Variants in SLC26A9 observed in about 807,000 individuals in gnomAD.
The protein encoded by SLC26A9 is solute carrier family 26 member 9.
In SLC26A9, 46 loss-of-function variants were observed where a neutral mutation model predicts 87.1. The ratio of observed to expected loss-of-function variants is 0.53; its 90% CI spans 0.42 to 0.67. SLC26A9 has a LOEUF of 0.67. Among genes scored for constraint, SLC26A9 ranks in the 30% least tolerant of loss-of-function variants. The pLI is 0.00. For synonymous variants in SLC26A9, 437 were observed against 409.1 expected, an observed-to-expected ratio of 1.07 and a Z score of -0.82; for missense variants, 927 against 1,018.3, an observed-to-expected ratio of 0.91 and a Z score of 1.22.
At chr1:205,940,325 G>A (rs1016042275) in intron 1 of SLC26A9, among the ~76,000 whole-genome samples, 5 of 152,170 alleles carry the variant, frequency 3.3e-5, no homozygotes, top group Non-Finnish European at 7.3e-5. Flanking sequence ...ATGAGCTCAT[G>A]CCAAAGCACG....
chr1:205,932,908 A>G (rs373867286), intron 3 of SLC26A9, 37 bp downstream of exon 3: 4 of 1,612,070 alleles, frequency 2.5e-6, no homozygotes, highest in Non-Finnish European at 3.4e-6. Flanking sequence ...TGGTGAGGGG[A>G]GTGGCAATCC....
At chr1:205,935,511 A>G in intron 2 of SLC26A9, 185 bp downstream of exon 2, 1 of 863,754 alleles carries the variant, frequency 1.2e-6, no homozygotes, top group Non-Finnish European at 1.7e-6. Context: ...CCTGCTCCCC[A>G]TCCTCCCTGG....
rs180841638 is a variant in SLC26A9 at position 205,923,689 on chromosome 1, C to T, written c.1497-76G>A. On this transcript the variant is annotated intron_variant, in intron 13 of 20. Coordinates refer to ENST00000367135, the MANE Select transcript of SLC26A9 (RefSeq NM_052934.4). ...GCCTGGAAGGGTGCCCCTGCTGGGG[C>T]GGGGGCAGAGCCAAGGTAGGATGGG... 8.0e-5 allele frequency: 126 copies of T among 1,567,944 alleles called. No homozygotes were observed. The African/African-American group carries it at 1.2e-3, about 15-fold the overall frequency.
intron 2 of SLC26A9, chr1:205,935,076 G>A (rs1659454626): frequency 6.6e-6 from 1 of 152,362 alleles, no homozygotes; most frequent in Non-Finnish European, 1.5e-5. Context: ...CCAGCCTCCT[G>A]GGGTGTGGGT....
At position 205,931,991 on chromosome 1, in the gene SLC26A9, G is replaced by T. The variant is rs1186810641; in HGVS notation, c.421C>A (p.Gln141Lys). The change falls in exon 5 of 21, where the codon CAG becomes AAG. Residue 141 changes from glutamine to lysine, a missense_variant. Coordinates refer to ENST00000367135, the MANE Select transcript of SLC26A9 (RefSeq NM_052934.4). ...ISILVGNICL[Q>K]LAPESKFQVF... ...TGGAATTTCGACTCTGGGGCCAGCT[G>T]CAGACAGATGTTACCCACCAGGATG... is the stretch of plus-strand genomic sequence containing the variant. 2 of 1,614,110 alleles carry T rather than the reference G, an allele frequency of 1.2e-6. No homozygotes were observed. The highest frequency in any genetic ancestry group is 4.5e-5 in the East Asian group (2 of 44,896).
At position 205,915,163 on chromosome 1, in the gene SLC26A9, C is replaced by A. The variant is rs766846418; in HGVS notation, c.*194G>T. 2 of 1,612,682 alleles carry A rather than the reference C, an allele frequency of 1.2e-6. No homozygotes were observed. Among genetic ancestry groups the A allele is most frequent in the Admixed American group, 1.7e-5 (1 of 59,930 alleles). ...CTCACTCCTGTAAGGGTAGCACCCC[C>A]CTGCTGCTGAGAGGCTCTCTCTGGA... On this transcript the variant is annotated 3_prime_UTR_variant, in exon 21 of 21. Coordinates refer to ENST00000367135, the MANE Select transcript of SLC26A9 (RefSeq NM_052934.4).
intron 1 of SLC26A9, among the ~76,000 whole-genome samples, chr1:205,936,868 G>A (rs1349871398): frequency 6.6e-6 from 1 of 152,224 alleles, no homozygotes; most frequent in African/African-American, 2.4e-5. Flanking sequence ...CTGGGTGACA[G>A]GGGAGGTTGT....
Position 205,931,913 on chromosome 1 carries a change from C to A in SLC26A9, c.499G>T (p.Ala167Ser), listed in dbSNP as rs765221801. 1 of 1,614,198 alleles carries A rather than the reference C, an allele frequency of 6.2e-7. No individual in the cohort carries two copies. Among genetic ancestry groups the A allele is most frequent in the Non-Finnish European group, 8.5e-7 (1 of 1,180,030 alleles). Residue 167 changes from alanine (A) to serine (S), a missense_variant, in exon 5 of 21, where the codon GCT (alanine) becomes TCT (serine). Physicochemically the swap from Ala to Ser is moderately conservative, Grantham distance 99. Transcript: ENST00000367135. ...ESYVDTAAME[A>S]ERLHVSATLA... ...GTAGCTGACACGTGCAGCCTCTCAG[C>A]CTCCATGGCTGCTGTGTCCACATAG...
At position 205,923,414 on chromosome 1, in the gene SLC26A9, T is replaced by C. The variant is rs1197079980; in HGVS notation, c.1580A>G (p.Gln527Arg). The C allele has an allele frequency of 1.2e-6, 2 of 1,614,214 alleles. No individual in the cohort carries two copies. Among genetic ancestry groups the C allele is most frequent in the South Asian group, 1.1e-5 (1 of 91,080 alleles). ...PKTYNRAQDI[Q>R]GIKIITYCSP... Reference sequence around the variant, plus strand: ...GCAGTACGTGATGATTTTAATCCCCTGGATATCCTGGGCCTGTGACAGGGA... The same window carrying C: ...GCAGTACGTGATGATTTTAATCCCCCGGATATCCTGGGCCTGTGACAGGGA... Residue 527 changes from glutamine (Q) to arginine (R), a missense_variant, in exon 15 of 21, where the codon CAG becomes CGG. Transcript: ENST00000367135.
chr1:205,915,542 GT>G, intron 20 of SLC26A9, 138 bp from the exon 21 acceptor site: 2 of 1,203,120 alleles, frequency 1.7e-6, no homozygotes, highest in Non-Finnish European at 2.4e-6. Flanking sequence ...GTGTGTGTGT[GT>G]GTGTGCGAGA....
chr1:205,935,560 A>G (rs1319721427), intron 2 of SLC26A9, 136 bp downstream of exon 2: 2 of 1,360,592 alleles, frequency 1.5e-6, no homozygotes, highest in Non-Finnish European at 2.0e-6. Flanking sequence ...TCTTAAATTC[A>G]TCATTCAGAA....
intron 20 of SLC26A9, among the ~76,000 whole-genome samples, chr1:205,916,643 T>C (rs758782765): frequency 7.2e-5 from 11 of 152,304 alleles, no homozygotes; most frequent in Middle Eastern, 3.4e-3. Flanking sequence ...GTATTACCTA[T>C]GTTTCCCCTA....
intron 16 of SLC26A9, among the ~76,000 whole-genome samples, chr1:205,922,376 A>G (rs1034686601): frequency 6.6e-6 from 1 of 152,136 alleles, no homozygotes; most frequent in African/African-American, 2.4e-5. Flanking sequence ...TGAACTCATG[A>G]GAGTGATTCT....
chr1:205,937,340 G>A (rs1300204943), intron 1 of SLC26A9, among the ~76,000 whole-genome samples: 4 of 152,178 alleles, frequency 2.6e-5, no homozygotes, highest in African/African-American at 4.8e-5. Flanking sequence ...CTTGTTGAGC[G>A]AATTGATAAA....
chr1:205,919,232 T>C (rs1658721676), intron 18 of SLC26A9, among the ~76,000 whole-genome samples: 1 of 152,122 alleles, frequency 6.6e-6, no homozygotes, highest in South Asian at 2.1e-4. Context: ...AGTCAGTACT[T>C]TGTGGTGATT....
At position 205,920,207 on chromosome 1, in the gene SLC26A9, G is replaced by T. The variant is rs1437004223; in HGVS notation, c.2079C>A (p.Ile693=). The part of the protein sequence containing the change: ...LAKLSSTYGK[I]GVKVFLVNIH... Reference sequence around the variant, plus strand: ...TGTTCACCAAGAAGACCTTCACGCCGATCTTCCCATAGGTGGAGCTCAGCT... The same window carrying T: ...TGTTCACCAAGAAGACCTTCACGCCTATCTTCCCATAGGTGGAGCTCAGCT... The change falls in exon 18 of 21, where the codon ATC becomes ATA. Residue 693 remains isoleucine, a synonymous_variant. Transcript: ENST00000367135. 1.2e-6 allele frequency: 2 copies of T among 1,614,028 alleles called. No individual in the cohort carries two copies. Among genetic ancestry groups the T allele is most frequent in the East Asian group, 2.2e-5 (1 of 44,872 alleles).
rs199711516 is a variant in SLC26A9 at position 205,933,096 on chromosome 1, C to T, written c.126-12G>A. On this transcript the variant is annotated splice_polypyrimidine_tract_variant and intron_variant, in intron 2 of 20. Coordinates refer to ENST00000367135, the MANE Select transcript of SLC26A9 (RefSeq NM_052934.4). ...TGGCTGAGGAACATCTGGAAGGGAA[C>T]GGGGAAAATTTCCAGTCGGCTCTGC... 1,294 of 1,614,080 alleles carry T rather than the reference C, an allele frequency of 8.0e-4. 7 individuals carry two copies. The highest frequency in any genetic ancestry group is 2.8e-3 in the South Asian group (251 of 91,066).
At chr1:205,935,592 C>CTTA in intron 2 of SLC26A9, 104 bp downstream of exon 2, 1 of 1,535,946 alleles carries the variant, frequency 6.5e-7, no homozygotes, top group Non-Finnish European at 8.8e-7. Context: ...CAGGGCTTCC[C>CTTA]TTAACCCCAT....
intron 18 of SLC26A9, among the ~76,000 whole-genome samples, chr1:205,919,634 C>T (rs371935333): frequency 4.6e-5 from 7 of 152,226 alleles, no homozygotes; most frequent in African/African-American, 1.4e-4. Context: ...CTGCACTTTG[C>T]GTACATGCTA....
Sources: gnomAD v4.1 joint callset for allele counts (sites outside exome capture counted in the v4.1 genomes callset) on GRCh38, gnomAD v4.1.1 for gene constraint, MANE v1.5 for transcripts, NCBI Gene and HGNC (gene_info 2026-07-23, HGNC 2026-07-21) for gene names.